The following POLD3 variants were observed in gnomAD, a reference collection of about 807,000 sequenced individuals.
The protein encoded by POLD3 is DNA polymerase delta 3, accessory subunit.
A neutral mutation model predicts 58.2 loss-of-function variants in POLD3; 19 were observed. That is an observed-to-expected ratio of 0.33 (90% CI 0.23 to 0.48). The LOEUF (loss-of-function observed/expected upper bound fraction) is 0.48, where lower values mean the gene tolerates loss of function less well. POLD3 is among the 20% of genes least tolerant of loss of function. The pLI is 0.99. For synonymous variants in POLD3, 172 were observed against 193.5 expected, an observed-to-expected ratio of 0.89 and a Z score of 0.92; for missense variants, 504 against 545.5, an observed-to-expected ratio of 0.92 and a Z score of 0.76.
chr11:74,603,313 A>C (rs1441667978), intron 2 of POLD3, among the ~76,000 whole-genome samples: 2 of 152,242 alleles, frequency 1.3e-5, no homozygotes, highest in Non-Finnish European at 2.9e-5. Context: ...TTTGGAGGGC[A>C]TGGAGTCAAG....
At chr11:74,620,428 G>C (rs1278409774) in intron 7 of POLD3, among the ~76,000 whole-genome samples, 1 of 152,174 alleles carries the variant, frequency 6.6e-6, no homozygotes, top group East Asian at 1.9e-4. Context: ...ATAGTGTTGA[G>C]GTTAATAACG....
chr11:74,650,737 A>T (rs2033058391), intron 4 of POLD3, among the ~76,000 whole-genome samples: 2 of 152,264 alleles, frequency 1.3e-5, no homozygotes, highest in Middle Eastern at 3.4e-3. Flanking sequence ...TCTTATTTAA[A>T]CACACACACT....
At chr11:74,628,532 G>T (rs2155935) in intron 8 of POLD3, among the ~76,000 whole-genome samples, 64,064 of 151,930 alleles carry the variant, frequency 0.42, 14,340 homozygotes, top group Non-Finnish European at 0.51. Context: ...CTTGTTGGTT[G>T]CATGAGGAGT....
chr11:74,637,598 CCTCTT>C (rs1565128408), intron 11 of POLD3, among the ~76,000 whole-genome samples: 1 of 151,716 alleles, frequency 6.6e-6, no homozygotes, highest in Non-Finnish European at 1.5e-5. Context: ...GTTTTTTCCT[CCTCTT>C]TCTGCCCCAA....
intron 8 of POLD3, among the ~76,000 whole-genome samples, chr11:74,626,610 T>C (rs1323276444): frequency 6.6e-6 from 1 of 152,220 alleles, no homozygotes; most frequent in Non-Finnish European, 1.5e-5. Context: ...TTTTATATAT[T>C]GCTGGATTAG....
rs1454666754 is a variant in POLD3 at position 74,625,453 on chromosome 11, A to T, written c.779A>T (p.Glu260Val). The change falls in exon 8 of 12, where the codon GAA becomes GTA. Residue 260 changes from glutamate (E) to valine (V), a missense_variant. Physicochemically the swap from Glu to Val is moderately radical, Grantham distance 121. Transcript: ENST00000263681. ...NLDSEQAVKE[E>V]KIVEQPTVSV... ...GACTCAGAACAAGCAGTGAAAGAAG[A>T]AAAAATAGTGGAGCAGCCTACAGTG... 6.2e-7 allele frequency: 1 copy of T among 1,613,214 alleles called. No homozygotes were observed. The highest frequency in any genetic ancestry group is 8.5e-7 in the Non-Finnish European group (1 of 1,179,592).
At chr11:74,665,183 G>A (rs921658014) in intron 4 of POLD3, among the ~76,000 whole-genome samples, 1 of 149,706 alleles carries the variant, frequency 6.7e-6, no homozygotes, top group Non-Finnish European at 1.5e-5. Context: ...CTTGGCATGG[G>A]GCTGCATGCC....
chr11:74,667,687 G>A lies in POLD3; in HGVS notation c.370-1090G>A, dbSNP rs113573121. 8.3e-3 allele frequency among the ~76,000 whole-genome samples: 1,257 copies of A among 152,244 alleles called. 24 individuals carry two copies. Among genetic ancestry groups the A allele is most frequent in the African/African-American group, 0.029 (1,189 of 41,536 alleles). On this transcript the variant is annotated intron_variant, in intron 4 of 4. Coordinates refer to the POLD3 transcript ENST00000524752. The stretch of plus-strand genomic sequence containing the variant: ...AGCAGGGGTAAATCTTTGTGACCTT[G>A]GGTTTGGAAAACCTTTCTTAGACAC...
At chr11:74,639,422 A>G (rs2032847034) in intron 11 of POLD3, among the ~76,000 whole-genome samples, 1 of 152,260 alleles carries the variant, frequency 6.6e-6, no homozygotes, top group African/African-American at 2.4e-5. Flanking sequence ...TAATGGAAAA[A>G]AAAACCTTTT....
chr11:74,634,644 T>C lies in POLD3; in HGVS notation c.1068T>C (p.Ser356=). 2 of 1,613,382 alleles carry C rather than the reference T, an allele frequency of 1.2e-6. No homozygotes were observed. Among genetic ancestry groups the C allele is most frequent in the Non-Finnish European group, 1.7e-6 (2 of 1,179,352 alleles). Residue 356 remains serine (S), a synonymous_variant, in exon 10 of 12, where the codon TCT becomes TCC. Transcript: ENST00000263681. ...CACCATCCCCACCTCCTCCTCCGTC[T>C]CCACCTCTTGAACCAGTGCCAAAGA... ...AESPSPPPPP[S]PPLEPVPKTE... is the part of the protein sequence containing the mutation.
intron 5 of POLD3, among the ~76,000 whole-genome samples, chr11:74,613,889 C>T (rs1047880064): frequency 1.3e-5 from 2 of 152,138 alleles, no homozygotes; most frequent in Admixed American, 6.5e-5. Context: ...TTATCTCCCA[C>T]TTTTGGATGG....
rs756724167 is a variant in POLD3, at chr11:74,618,549, A to G, written c.405A>G (p.Ile135Met). 5 of 1,613,144 alleles carry G rather than the reference A, an allele frequency of 3.1e-6. No homozygotes were observed. Among genetic ancestry groups the G allele is most frequent in the Non-Finnish European group, 4.2e-6 (5 of 1,179,194 alleles). The change falls in exon 6 of 12, where the codon ATA becomes ATG. Residue 135 changes from isoleucine to methionine, a missense_variant. Physicochemically the swap from Ile to Met is conservative, Grantham distance 10 (BLOSUM62 1). Around this residue, in one of 2 missense-constraint regions of POLD3, gnomAD observed 119 missense variants for 175.0 expected, o/e 0.68. Transcript: ENST00000263681. Reference protein sequence around the residue: ...NLQNCSKFSAIQCAAAVPRAP... With the variant: ...NLQNCSKFSAMQCAAAVPRAP... Reference sequence around the variant, plus strand: ...TTTCTGTCCCCAGATTTAGTGCTATACAATGTGCAGCTGCCGTCCCTAGAG... The same window carrying G: ...TTTCTGTCCCCAGATTTAGTGCTATGCAATGTGCAGCTGCCGTCCCTAGAG...
chr11:74,611,620 C>T lies in POLD3; in HGVS notation c.259+82C>T, dbSNP rs930165748. On this transcript the variant is annotated intron_variant, in intron 4 of 11. Coordinates refer to ENST00000263681, the MANE Select transcript of POLD3 (RefSeq NM_006591.3). ...ATAAAAAATCTGCCTCTAACATCTG[C>T]GTATAATATATTTAGCTATTTAACT... The T allele has an allele frequency of 4.9e-5, 36 of 730,940 alleles. No individual in the cohort carries two copies. The African/African-American group carries it at 5.4e-4, about 11-fold the overall frequency. 45.3% of individuals were successfully genotyped at this position (730,940 alleles called of 1,614,324 possible).
chr11:74,637,326 T>C (rs141567775), intron 11 of POLD3, among the ~76,000 whole-genome samples: 12 of 152,210 alleles, frequency 7.9e-5, no homozygotes, highest in East Asian at 1.9e-4. Context: ...TAACATGTGA[T>C]TGGGGAGTAA....
chr11:74,630,321 T>C, intron 9 of POLD3, among the ~76,000 whole-genome samples: 1 of 151,516 alleles, frequency 6.6e-6, no homozygotes, highest in East Asian at 1.9e-4. Flanking sequence ...ACTATACAAG[T>C]GAGTGAAAAA....
chr11:74,634,754 A>G, intron 10 of POLD3, 59 bp downstream of exon 10: 1 of 948,876 alleles, frequency 1.1e-6, no homozygotes, highest in East Asian at 2.4e-5. Context: ...AAGGACCTAC[A>G]ACCACTATGC....
At chr11:74,633,912 C>T (rs1375739206) in intron 9 of POLD3, among the ~76,000 whole-genome samples, 1 of 152,156 alleles carries the variant, frequency 6.6e-6, no homozygotes, top group Non-Finnish European at 1.5e-5. Context: ...GATGACTTCA[C>T]CCACCTCCAA....
chr11:74,621,154 AGTCCACTGATG>A (rs1389968313), intron 7 of POLD3, among the ~76,000 whole-genome samples: 1 of 152,202 alleles, frequency 6.6e-6, no homozygotes, highest in Non-Finnish European at 1.5e-5. Flanking sequence ...TCCAACCCAC[AGTCCACTGATG>A]GGTAGCAGTC....
At chr11:74,612,816 T>A in intron 4 of POLD3, 62 bp from the exon 5 acceptor site, 1 of 1,476,986 alleles carries the variant, frequency 6.8e-7, no homozygotes, top group Middle Eastern at 1.8e-4. Flanking sequence ...GGTTTCTTGT[T>A]AAAGTCCCCA....
Sources: gnomAD v4.1 joint callset for allele counts (sites outside exome capture counted in the v4.1 genomes callset) on GRCh38, gnomAD v4.1.1 for gene constraint, gnomAD v4.1.1 regional missense constraint, MANE v1.5 for transcripts, NCBI Gene and HGNC (gene_info 2026-07-23, HGNC 2026-07-21) for gene names.